Variants in CIDEA observed in about 807,000 individuals in gnomAD.
CIDEA encodes lipid transferase CIDEA.
A neutral mutation model predicts 18.2 loss-of-function variants in CIDEA; 10 were observed. The observed-to-expected ratio is 0.55, with a 90% CI of 0.34 to 0.93. CIDEA has a LOEUF of 0.93. Among genes scored for constraint, CIDEA ranks in the 40% least tolerant of loss-of-function variants. The pLI, the probability that CIDEA is intolerant of heterozygous loss-of-function variation, is 0.02. For synonymous variants in CIDEA, 128 were observed against 124.8 expected (o/e 1.03, Z -0.17); for missense variants, 309 against 293.1 (o/e 1.05, Z -0.40).
chr18:12,266,266 C>T (rs995294175), intron 3 of CIDEA, among the ~76,000 whole-genome samples: 6 of 151,876 alleles, frequency 4.0e-5, no homozygotes, highest in Admixed American at 6.6e-5. Context: ...CCAGCCTGAG[C>T]AACATGGCAA....
At chr18:12,254,909 G>A in intron 1 of CIDEA, 1 of 1,262,698 alleles carries the variant, frequency 7.9e-7, no homozygotes, top group Non-Finnish European at 1.0e-6. Flanking sequence ...GGAAGCGCGG[G>A]CTCTGGTCTC....
chr18:12,266,230 C>A (rs1555662045), intron 3 of CIDEA, among the ~76,000 whole-genome samples: 4 of 151,116 alleles, frequency 2.6e-5, no homozygotes, highest in Non-Finnish European at 5.9e-5. Context: ...GACCCTATAT[C>A]AAAAAAAACA....
At position 12,254,498 on chromosome 18, in the gene CIDEA, G is replaced by T. The variant is rs144206740; in HGVS notation, c.38+77G>T. On this transcript the variant is annotated intron_variant, in intron 1 of 4. Transcript: ENST00000320477. ...TCGGTGGCCTCATATTCCCCTGTGC[G>T]CCTCTAGTACCGTACCCCGCTCCCT... is the stretch of plus-strand genomic sequence containing the variant. The T allele has an allele frequency of 1.7e-5, 26 of 1,554,884 alleles. No individual in the cohort carries two copies. In the African/African-American group the frequency reaches 3.2e-4, roughly 19 times the overall value.
chr18:12,254,622 A>G (rs1391023444), intron 1 of CIDEA: 1 of 1,528,506 alleles, frequency 6.5e-7, no homozygotes, highest in East Asian at 2.5e-5. Flanking sequence ...GCCCGCGGGC[A>G]GAGCCCAATC....
intron 1 of CIDEA, 91 bp from the exon 2 acceptor site, chr18:12,262,734 C>T: frequency 1.6e-6 from 2 of 1,219,830 alleles, no homozygotes; most frequent in Non-Finnish European, 2.4e-6. Flanking sequence ...CTTTTAGATG[C>T]AAATATTAAA....
At chr18:12,259,521 G>A (rs1912130903) in intron 1 of CIDEA, among the ~76,000 whole-genome samples, 1 of 152,106 alleles carries the variant, frequency 6.6e-6, no homozygotes, top group South Asian at 2.1e-4. Flanking sequence ...CGTGAAGTGG[G>A]GCAATAGTTT....
intron 3 of CIDEA, among the ~76,000 whole-genome samples, chr18:12,272,172 GTTGT>G (rs1426349800): frequency 2.8e-3 from 21 of 7,402 alleles, no homozygotes; most frequent in African/African-American, 6.9e-3. Context: ...TTGGGGGGGG[GTTGT>G]TGTTGTTGTT....
chr18:12,257,975 G>A lies in CIDEA; in HGVS notation c.38+3554G>A, dbSNP rs139113813. On this transcript the variant is annotated intron_variant, in intron 1 of 4. Coordinates refer to ENST00000320477, the MANE Select transcript of CIDEA (RefSeq NM_001279.4). Reference sequence around the variant, plus strand: ...GGGTCCTGGAGTACATAGGCCTGGCGTGCAGAACATCTCATTCAACCCCTT... The same window carrying A: ...GGGTCCTGGAGTACATAGGCCTGGCATGCAGAACATCTCATTCAACCCCTT... Among the ~76,000 whole-genome samples the A allele has an allele frequency of 8.0e-3, 1,211 of 152,276 alleles. 56 individuals carry two copies. Among genetic ancestry groups the A allele is most frequent in the Admixed American group, 0.068 (1,037 of 15,288 alleles).
intron 2 of CIDEA, 132 bp downstream of exon 2, chr18:12,263,101 G>A (rs373374861): frequency 4.8e-5 from 43 of 900,334 alleles, no homozygotes; most frequent in East Asian, 2.8e-4. Flanking sequence ...GGGGGGAAAC[G>A]GGGAGAGAAA....
intron 1 of CIDEA, among the ~76,000 whole-genome samples, chr18:12,261,435 C>G (rs943355517): frequency 1.3e-5 from 2 of 152,174 alleles, no homozygotes; most frequent in African/African-American, 4.8e-5. Flanking sequence ...CTACTGGCCC[C>G]CCTTCTAGTG....
Position 12,262,931 on chromosome 18 carries a change from G to C in CIDEA, c.145G>C (p.Gly49Arg). ...CAACCATGACAGGAGCAGCCGGCGT[G>C]GGGTGATGGCAAGCAGCCTGCAGGA... The part of the protein sequence containing the change: ...VSNHDRSSRR[G>R]VMASSLQELI... The change falls in exon 2 of 5, where the codon GGG (glycine) becomes CGG (arginine). Residue 49 changes from glycine to arginine, a missense_variant. Gly to Arg is a moderately radical substitution (Grantham distance 125). Coordinates refer to ENST00000320477, the MANE Select transcript of CIDEA (RefSeq NM_001279.4). 2.5e-6 allele frequency: 4 copies of C among 1,614,140 alleles called. No individual in the cohort carries two copies. Among genetic ancestry groups the C allele is most frequent in the Non-Finnish European group, 3.4e-6 (4 of 1,180,018 alleles).
At position 12,274,111 on chromosome 18, in the gene CIDEA, AC is replaced by A. The variant is rs758006849; in HGVS notation, c.350del (p.Thr117IlefsTer10). 1.2e-6 allele frequency: 2 copies of A among 1,614,164 alleles called. No individual in the cohort carries two copies. Among genetic ancestry groups the A allele is most frequent in the South Asian group, 2.2e-5 (2 of 91,076 alleles). On this transcript the variant is annotated frameshift_variant, in exon 4 of 5. Transcript: ENST00000320477. LOFTEE classifies it high-confidence loss of function. ...KWMPGSQHVP[T>X]CSPPKRSGIA... ...GTCACAGGGCAGCCAGCACGTCCCC[AC>A]TTGCTCGCCGCCGAAGAGGTCGGGA...
In CIDEA at chr18:12,265,943, T is replaced by C. The variant is rs28503841; in HGVS notation, c.330+1490T>C. On this transcript the variant is annotated intron_variant, in intron 3 of 4. Coordinates refer to ENST00000320477, the MANE Select transcript of CIDEA (RefSeq NM_001279.4). ...TAAAAATGCTCACCCATGGCTAAGT[T>C]TGACTGACTAAATAAATAAATTAAT... Among the ~76,000 whole-genome samples, 234 of 152,224 alleles carry C rather than the reference T, an allele frequency of 1.5e-3. 1 individual carries two copies. Among genetic ancestry groups the C allele is most frequent in the African/African-American group, 5.4e-3 (226 of 41,538 alleles).
chr18:12,261,329 G>A (rs1241515703), intron 1 of CIDEA, among the ~76,000 whole-genome samples: 2 of 152,048 alleles, frequency 1.3e-5, no homozygotes, highest in African/African-American at 4.8e-5. Context: ...AGAATCGCTT[G>A]AACCATTCCA....
At chr18:12,276,558 C>A (rs1204708223) in intron 4 of CIDEA, among the ~76,000 whole-genome samples, 1 of 152,212 alleles carries the variant, frequency 6.6e-6, no homozygotes, top group Non-Finnish European at 1.5e-5. Flanking sequence ...CTCACGACAG[C>A]CCCCACACTG....
chr18:12,265,856 G>A (rs1044878616), intron 3 of CIDEA, among the ~76,000 whole-genome samples: 2 of 152,260 alleles, frequency 1.3e-5, no homozygotes, highest in East Asian at 3.9e-4. Context: ...AAGCAATCAA[G>A]TCAGGCCTGC....
intron 1 of CIDEA, among the ~76,000 whole-genome samples, chr18:12,262,047 G>A (rs528049945): frequency 1.3e-5 from 2 of 151,850 alleles, no homozygotes; most frequent in Admixed American, 6.6e-5. Context: ...TGCACCTATA[G>A]TCCCAGCTAC....
rs77357392 is a variant in CIDEA at position 12,275,432 on chromosome 18, A to G, written c.512+1158A>G. Among the ~76,000 whole-genome samples the G allele has an allele frequency of 9.8e-3, 1,486 of 152,352 alleles. 24 individuals are homozygous for G. Among genetic ancestry groups the G allele is most frequent in the African/African-American group, 0.034 (1,401 of 41,584 alleles). On this transcript the variant is annotated intron_variant, in intron 4 of 4. Coordinates refer to ENST00000320477, the MANE Select transcript of CIDEA (RefSeq NM_001279.4). ...GATTGCCAGGGCTCTAACTACACCT[A>G]CTTCTACTCCAGTAAATTTACCGTT... is the stretch of plus-strand genomic sequence containing the variant.
chr18:12,269,330 G>C (rs955218009), intron 3 of CIDEA, among the ~76,000 whole-genome samples: 10 of 152,204 alleles, frequency 6.6e-5, no homozygotes, highest in African/African-American at 2.2e-4. Context: ...ATGCAGCTGG[G>C]AAAGGAGGAG....
Sources: gnomAD v4.1 joint callset for allele counts (sites outside exome capture counted in the v4.1 genomes callset) on GRCh38, gnomAD v4.1.1 for gene constraint, MANE v1.5 for transcripts, NCBI Gene and HGNC (gene_info 2026-07-23, HGNC 2026-07-21) for gene names.